Variants in GRIK4 observed in about 807,000 individuals in gnomAD.
GRIK4 encodes glutamate ionotropic receptor kainate type subunit 4.
GRIK4 carries 40 observed loss-of-function variants against 104.9 expected under a neutral mutation model. The ratio of observed to expected loss-of-function variants is 0.38; its 90% CI spans 0.30 to 0.50. The LOEUF is 0.50. Ranked by LOEUF, GRIK4 falls within the 20% of genes least tolerant of loss-of-function variation. The pLI, the probability that GRIK4 is intolerant of heterozygous loss-of-function variation, is 0.93. For missense variants in GRIK4, 1,047 were observed against 1,308.1 expected, an observed-to-expected ratio of 0.80 and a Z score of 3.08; for synonymous variants, 485 against 524.9, an observed-to-expected ratio of 0.92 and a Z score of 1.04.
At chr11:120,692,502 C>G (rs770566205) in intron 3 of GRIK4, among the ~76,000 whole-genome samples, 1 of 152,000 alleles carries the variant, frequency 6.6e-6, no homozygotes, top group Non-Finnish European at 1.5e-5. Flanking sequence ...CTGTGGAGCC[C>G]GGGGGTGAGG....
In GRIK4 at chr11:120,815,424, G is replaced by A. The variant is rs901484590; in HGVS notation, c.294G>A (p.Ser98=). The A allele has an allele frequency of 1.7e-5, 26 of 1,552,450 alleles. No individual in the cohort carries two copies. The highest frequency in any genetic ancestry group is 2.7e-5 in the African/African-American group (2 of 73,194). ...PKGVVAVLGP[S]SSPASSSIIS... is the part of the protein sequence containing the mutation. Reference sequence around the variant, plus strand: ...GGGTGGTCGCTGTCCTCGGACCATCGTCCAGCCCAGCCTCCAGCTCCATCA... The same window carrying A: ...GGGTGGTCGCTGTCCTCGGACCATCATCCAGCCCAGCCTCCAGCTCCATCA... Residue 98 remains serine, a synonymous_variant, in exon 5 of 21, where the codon TCG becomes TCA. Transcript: ENST00000527524.
intron 8 of GRIK4, among the ~76,000 whole-genome samples, chr11:120,860,997 A>G (rs1050590631): frequency 6.7e-6 from 1 of 150,338 alleles, no homozygotes; most frequent in African/African-American, 2.4e-5. Flanking sequence ...CTTCAGGTGT[A>G]TAAGACTTAG....
rs1942732193 is a variant in GRIK4 at position 120,901,324 on chromosome 11, CGCTCGCTGCAT to C, written c.1272+2686_1272+2696del. Among the ~76,000 whole-genome samples, 5 of 10,934 alleles carry C rather than the reference CGCTCGCTGCAT, an allele frequency of 4.6e-4. No homozygotes were observed. In the African/African-American group the frequency reaches 4.9e-3, roughly 11 times the overall value. 7.2% of individuals were successfully genotyped at this position (10,934 alleles called of 152,430 possible). A position where few individuals can be genotyped will look rare whatever the true frequency, so the allele number is the denominator to read the frequency against. On this transcript the variant is annotated intron_variant, in intron 12 of 20. Coordinates refer to ENST00000527524, the MANE Select transcript of GRIK4 (RefSeq NM_014619.5). ...TCAAGACCTGCTCGCTGCATCCTGCCGCTCGCTGCATCCTGCCCCTCCCTGCCTTGGCACAT... is the reference window on the plus strand; with the variant it reads ...TCAAGACCTGCTCGCTGCATCCTGCCCCTGCCCCTCCCTGCCTTGGCACAT...
chr11:120,866,641 C>T lies in GRIK4; in HGVS notation c.906+4521C>T, dbSNP rs889110488. 9.2e-5 allele frequency among the ~76,000 whole-genome samples: 14 copies of T among 152,074 alleles called. No individual in the cohort carries two copies. The East Asian group carries it at 2.7e-3, about 29-fold the overall frequency. Reference sequence around the variant, plus strand: ...CTCTCTTGGTGCTGCCGGCGGAGAACAAGAGTAAAGATGGGCTGAGCTGCA... The same window carrying T: ...CTCTCTTGGTGCTGCCGGCGGAGAATAAGAGTAAAGATGGGCTGAGCTGCA... On this transcript the variant is annotated intron_variant, in intron 9 of 20. Coordinates refer to ENST00000527524, the MANE Select transcript of GRIK4 (RefSeq NM_014619.5).
Position 120,537,616 on chromosome 11 carries a change from C to CCTT in GRIK4, c.-159+25733_-159+25735dup, listed in dbSNP as rs368554010. On this transcript the variant is annotated intron_variant, in intron 1 of 20. Transcript: ENST00000527524. ...AAACCCTGAGGTGGAATTAATCATT[C>CCTT]CTTCTTAGGCCTGCAGATGCTCTGC... Among the ~76,000 whole-genome samples, 1,520 of 152,242 alleles carry CCTT rather than the reference C, an allele frequency of 1.0e-2. 33 individuals carry two copies. Among genetic ancestry groups the CCTT allele is most frequent in the African/African-American group, 0.034 (1,424 of 41,542 alleles).
In GRIK4 at chr11:120,637,084, G is replaced by A. The variant is rs1016592285; in HGVS notation, c.-158-16601G>A. ...TGATGGCCAGCAGGAGGGAAGAGTC[G>A]TGAAGAATAGAAGAGAAGATGCAGG... On this transcript the variant is annotated intron_variant, in intron 1 of 20. Transcript: ENST00000527524. 1.3e-4 allele frequency among the ~76,000 whole-genome samples: 20 copies of A among 151,930 alleles called. 1 individual carries two copies. In the Middle Eastern group the frequency reaches 0.013, roughly 96 times the overall value.
chr11:120,535,267 T>G (rs1591680059), intron 1 of GRIK4, among the ~76,000 whole-genome samples: 1 of 104,674 alleles, frequency 9.6e-6, no homozygotes, highest in Non-Finnish European at 1.8e-5. Context: ...AAGAACCTCC[T>G]GGGACCAGAG....
intron 20 of GRIK4, among the ~76,000 whole-genome samples, chr11:120,983,076 A>T (rs1944679041): frequency 1.3e-5 from 2 of 152,136 alleles, no homozygotes; most frequent in Non-Finnish European, 2.9e-5. Context: ...AACCCCCACT[A>T]AACATCTCCC....
At chr11:120,852,427 A>G (rs1953995279) in intron 8 of GRIK4, among the ~76,000 whole-genome samples, 1 of 152,228 alleles carries the variant, frequency 6.6e-6, no homozygotes, top group South Asian at 2.1e-4. Flanking sequence ...GAGCATGAAC[A>G]AGAAGGAATA....
At chr11:120,548,867 G>A (rs1053162317) in intron 1 of GRIK4, among the ~76,000 whole-genome samples, 1 of 152,222 alleles carries the variant, frequency 6.6e-6, no homozygotes, top group African/African-American at 2.4e-5. Flanking sequence ...AGAGAGGGCT[G>A]TCTTGCACAG....
At chr11:120,531,658 C>A (rs892923398) in intron 1 of GRIK4, among the ~76,000 whole-genome samples, 1 of 152,114 alleles carries the variant, frequency 6.6e-6, no homozygotes, top group Non-Finnish European at 1.5e-5. Context: ...TCACTGGAAC[C>A]TCTGCCTCCC....
chr11:120,790,427 G>A (rs989634463), intron 3 of GRIK4, among the ~76,000 whole-genome samples: 11 of 152,162 alleles, frequency 7.2e-5, no homozygotes, highest in Non-Finnish European at 1.5e-4. Context: ...GGGGCACGGT[G>A]GGAATGGGGT....
chr11:120,716,655 G>A (rs1479390505), intron 3 of GRIK4, among the ~76,000 whole-genome samples: 1 of 152,174 alleles, frequency 6.6e-6, no homozygotes, highest in Non-Finnish European at 1.5e-5. Flanking sequence ...CAGCCTGGCT[G>A]GGGAAGCAGA....
intron 1 of GRIK4, among the ~76,000 whole-genome samples, chr11:120,515,699 C>T (rs142601300): frequency 1.2e-3 from 185 of 152,304 alleles, no homozygotes; most frequent in African/African-American, 4.3e-3. Flanking sequence ...TGTAAATCGG[C>T]CCTCTTCATA....
rs1004026960 is a variant in GRIK4, at chr11:120,819,514, C to T, written c.346-241C>T. 2.6e-5 allele frequency among the ~76,000 whole-genome samples: 4 copies of T among 152,206 alleles called. No individual in the cohort carries two copies. Among genetic ancestry groups the T allele is most frequent in the African/African-American group, 2.4e-5 (1 of 41,438 alleles). ...GCTTGCAGACCCACGGTGCATTCAT[C>T]CGGGTCTCTGGACAAATAGTTTTCT... On this transcript the variant is annotated intron_variant, in intron 5 of 20. Coordinates refer to ENST00000527524, the MANE Select transcript of GRIK4 (RefSeq NM_014619.5). The surrounding 1 kb of genome is among the most constrained non-coding windows in gnomAD (Gnocchi z 4.3).
At chr11:120,871,652 C>T (rs377483666) in intron 9 of GRIK4, 183 of 456,188 alleles carry the variant, frequency 4.0e-4, no homozygotes, top group African/African-American at 2.2e-3. Flanking sequence ...GGAGACTCGA[C>T]GGAGGCCGAG....
intron 8 of GRIK4, among the ~76,000 whole-genome samples, chr11:120,857,575 A>G (rs1029849049): frequency 6.6e-6 from 1 of 152,094 alleles, no homozygotes; most frequent in Non-Finnish European, 1.5e-5. Context: ...ATGATAAAGC[A>G]AGCTGTCAGG....
intron 7 of GRIK4, among the ~76,000 whole-genome samples, chr11:120,833,541 G>A (rs1802102852): frequency 6.6e-6 from 1 of 152,202 alleles, no homozygotes; most frequent in South Asian, 2.1e-4. Flanking sequence ...GGTTCCCCCT[G>A]TGGTAGCTGG....
chr11:120,854,922 A>G (rs1395486106), intron 8 of GRIK4, among the ~76,000 whole-genome samples: 1 of 152,190 alleles, frequency 6.6e-6, no homozygotes, highest in Non-Finnish European at 1.5e-5. Flanking sequence ...AAAATACCCA[A>G]AGACAGTGTA....
Sources: gnomAD v4.1 joint callset for allele counts (sites outside exome capture counted in the v4.1 genomes callset) on GRCh38, gnomAD v4.1.1 for gene constraint, Gnocchi (gnomAD v3.1) non-coding constraint, MANE v1.5 for transcripts, NCBI Gene and HGNC (gene_info 2026-07-23, HGNC 2026-07-21) for gene names.